AGAP1: variants seen among roughly 807,000 people sequenced by gnomAD.
AGAP1 encodes the protein arf-GAP with GTPase, ANK repeat and PH domain-containing protein 1.
Under a neutral mutation model 105.3 loss-of-function variants are expected in AGAP1, and 29 were observed. The ratio of observed to expected loss-of-function variants is 0.28; its 90% CI spans 0.21 to 0.38. The LOEUF (loss-of-function observed/expected upper bound fraction) is 0.38, where lower values mean the gene tolerates loss of function less well. AGAP1 is among the 10% of genes least tolerant of loss of function. The pLI is 1.00. For synonymous variants in AGAP1, 509 were observed against 485.9 expected, an observed-to-expected ratio of 1.05 and a Z score of -0.63; for missense variants, 998 against 1,165.1, an observed-to-expected ratio of 0.86 and a Z score of 2.09.
At chr2:236,071,503 C>A (rs1176823672) in intron 16 of AGAP1, among the ~76,000 whole-genome samples, 2 of 152,176 alleles carry the variant, frequency 1.3e-5, no homozygotes, top group Non-Finnish European at 2.9e-5. Flanking sequence ...CAGCCACTCT[C>A]CCAGAACCAC....
At chr2:235,499,616 A>G (rs1348993369) in intron 1 of AGAP1, among the ~76,000 whole-genome samples, 5 of 152,094 alleles carry the variant, frequency 3.3e-5, no homozygotes, top group African/African-American at 1.2e-4. Flanking sequence ...CAGCTTACTC[A>G]TGCTTCTCAG....
chr2:235,797,805 A>G lies in AGAP1; in HGVS notation c.720A>G (p.Ile240Met), dbSNP rs148389075. The G allele has an allele frequency of 6.8e-5, 109 of 1,614,078 alleles. No homozygotes were observed. The highest frequency in any genetic ancestry group is 9.2e-5 in the Non-Finnish European group (108 of 1,180,036). Residue 240 changes from isoleucine to methionine, a missense_variant, in exon 7 of 18, where the codon ATA (isoleucine) becomes ATG (methionine). Ile to Met is a conservative substitution (Grantham distance 10). Around this residue, in one of 3 missense-constraint regions of AGAP1, gnomAD observed 735 missense variants for 833.4 expected, o/e 0.88. Transcript: ENST00000304032. ...CAAGGAAGAAGCAGCAGCTGTCCATAGGACCCTGCAAGTCGCTACCTAATT... is the reference window on the plus strand; with the variant it reads ...CAAGGAAGAAGCAGCAGCTGTCCATGGGACCCTGCAAGTCGCTACCTAATT... ...VATRKKQQLS[I>M]GPCKSLPNSP...
At chr2:235,634,562 C>T (rs1946930367) in intron 1 of AGAP1, among the ~76,000 whole-genome samples, 1 of 152,188 alleles carries the variant, frequency 6.6e-6, no homozygotes, top group Admixed American at 6.5e-5. Flanking sequence ...GTTCAGCCAC[C>T]TGTATTGCAG....
rs797018636 is a variant in AGAP1 at position 236,051,753 on chromosome 2, C to T, written c.2114+2472C>T. Among the ~76,000 whole-genome samples, 84 of 152,266 alleles carry T rather than the reference C, an allele frequency of 5.5e-4. 1 individual carries two copies. The highest frequency in any genetic ancestry group is 1.8e-3 in the African/African-American group (73 of 41,572). On this transcript the variant is annotated intron_variant, in intron 16 of 17. Coordinates refer to ENST00000304032, the MANE Select transcript of AGAP1 (RefSeq NM_001037131.3). This position sits in a 1 kb window ranked among gnomAD's most constrained non-coding sequence, Gnocchi z 5.9. ...CTATTCATGGGTTCTGTCTGTCCCA[C>T]CTGTTCCCAAGAGGACTAAAGGCAG...
chr2:235,544,820 T>C (rs913556602), intron 1 of AGAP1, among the ~76,000 whole-genome samples: 1 of 152,230 alleles, frequency 6.6e-6, no homozygotes, highest in African/African-American at 2.4e-5. Context: ...TGAGGGGACC[T>C]TTCATCTCAG....
chr2:235,869,537 G>A (rs565947978), intron 9 of AGAP1, among the ~76,000 whole-genome samples: 1 of 151,982 alleles, frequency 6.6e-6, no homozygotes, highest in South Asian at 2.1e-4. Context: ...GGAGGTGGAG[G>A]TTGCAGTGAG....
At chr2:235,554,265 C>T (rs533863811) in intron 1 of AGAP1, among the ~76,000 whole-genome samples, 3 of 152,192 alleles carry the variant, frequency 2.0e-5, no homozygotes, top group South Asian at 2.1e-4. Context: ...AGAGAGTGGC[C>T]TGCTTAGCTG....
intron 6 of AGAP1, among the ~76,000 whole-genome samples, chr2:235,764,678 ATCTGGGAGCG>A (rs1954770135): frequency 7.3e-6 from 1 of 136,750 alleles, no homozygotes; most frequent in East Asian, 2.3e-4. Context: ...GGGTGGGGGC[ATCTGGGAGCG>A]CCCGTGGGGT....
Position 235,750,342 on chromosome 2 carries a change from C to T in AGAP1, c.539-12C>T. The T allele has an allele frequency of 6.2e-7, 1 of 1,613,990 alleles. No homozygotes were observed. The highest frequency in any genetic ancestry group is 8.5e-7 in the Non-Finnish European group (1 of 1,179,914). On this transcript the variant is annotated splice_polypyrimidine_tract_variant and intron_variant, in intron 5 of 17. Coordinates refer to ENST00000304032, the MANE Select transcript of AGAP1 (RefSeq NM_001037131.3). This position sits in a 1 kb window ranked among gnomAD's most constrained non-coding sequence, Gnocchi z 5.3. ...TGTCACTGTGCCGTTACTTTTTGGT[C>T]TTCTGTTCCAGATGCCATAAGTTCT...
At chr2:235,670,997 C>A in intron 1 of AGAP1, 1 of 1,322,162 alleles carries the variant, frequency 7.6e-7, no homozygotes, top group Non-Finnish European at 9.6e-7. Flanking sequence ...CAGCCTGCGG[C>A]GGGCCCCGGC....
At chr2:236,070,753 G>A (rs975691282) in intron 16 of AGAP1, among the ~76,000 whole-genome samples, 4 of 152,176 alleles carry the variant, frequency 2.6e-5, no homozygotes, top group Non-Finnish European at 5.9e-5. Flanking sequence ...AAAGTGGATT[G>A]GGGTGGCCCT....
chr2:235,857,042 G>C (rs1157006104), intron 9 of AGAP1, among the ~76,000 whole-genome samples: 1 of 152,176 alleles, frequency 6.6e-6, no homozygotes, highest in Non-Finnish European at 1.5e-5. Flanking sequence ...TGGAGACGCA[G>C]GTGGTGAGCC....
chr2:235,661,701 C>G (rs867083441), intron 1 of AGAP1, among the ~76,000 whole-genome samples: 1 of 152,166 alleles, frequency 6.6e-6, no homozygotes, highest in Non-Finnish European at 1.5e-5. Context: ...TGCTGCTGAT[C>G]TGTAGACCGT....
At chr2:235,802,992 ATGGTGG>A (rs1363226316) in intron 8 of AGAP1, among the ~76,000 whole-genome samples, 7 of 108,948 alleles carry the variant, frequency 6.4e-5, no homozygotes, top group East Asian at 3.1e-4. Flanking sequence ...GATGGTTGTG[ATGGTGG>A]TGATGGTTGT....
intron 1 of AGAP1, among the ~76,000 whole-genome samples, chr2:235,693,327 G>T (rs756050329): frequency 6.6e-6 from 1 of 152,106 alleles, no homozygotes; most frequent in African/African-American, 2.4e-5. Flanking sequence ...CACGGGGGCT[G>T]GGCCTTTATG....
intron 13 of AGAP1, among the ~76,000 whole-genome samples, chr2:236,026,664 G>A (rs1410233394): frequency 6.6e-6 from 1 of 152,220 alleles, no homozygotes; most frequent in Admixed American, 6.5e-5. Flanking sequence ...GGGAGGGGGA[G>A]GTTGCAGTGA....
chr2:235,949,401 A>C (rs2053636016), intron 12 of AGAP1, among the ~76,000 whole-genome samples: 1 of 152,174 alleles, frequency 6.6e-6, no homozygotes, highest in Non-Finnish European at 1.5e-5. Context: ...ACTTCAAAAG[A>C]GGGCGGTGGC....
chr2:235,525,239 A>G (rs966462203), intron 1 of AGAP1, among the ~76,000 whole-genome samples: 1 of 152,278 alleles, frequency 6.6e-6, no homozygotes, highest in African/African-American at 2.4e-5. Context: ...GGACTGATTT[A>G]TAAAGTGGAG....
intron 6 of AGAP1, among the ~76,000 whole-genome samples, chr2:235,797,377 C>T (rs765070986): frequency 1.3e-5 from 2 of 152,040 alleles, no homozygotes; most frequent in Non-Finnish European, 2.9e-5. Flanking sequence ...CCAGTGTCGC[C>T]TCGTGTTCCA....
Sources: gnomAD v4.1 joint callset for allele counts (sites outside exome capture counted in the v4.1 genomes callset) on GRCh38, gnomAD v4.1.1 for gene constraint, gnomAD v4.1.1 regional missense constraint, Gnocchi (gnomAD v3.1) non-coding constraint, MANE v1.5 for transcripts, NCBI Gene and HGNC (gene_info 2026-07-23, HGNC 2026-07-21) for gene names.